The following XRN1 variants were observed in gnomAD, a reference collection of about 807,000 sequenced individuals.
XRN1 encodes the protein strand-exchange protein 1 homolog.
XRN1 carries 67 observed loss-of-function variants against 222.3 expected under a neutral mutation model. That is an observed-to-expected ratio of 0.30 (90% CI 0.25 to 0.37). The LOEUF is 0.37. XRN1 is among the 10% of genes least tolerant of loss of function. The pLI is 1.00. For synonymous variants in XRN1, 643 were observed against 652.4 expected, an observed-to-expected ratio of 0.99 and a Z score of 0.22; for missense variants, 1,707 against 2,000.2, an observed-to-expected ratio of 0.85 and a Z score of 2.80.
At chr3:142,400,622 A>G in intron 18 of XRN1, 75 bp from the exon 19 acceptor site, 1 of 1,181,358 alleles carries the variant, frequency 8.5e-7, no homozygotes, top group South Asian at 1.4e-5. Flanking sequence ...AAATTTTCCA[A>G]TCTCCATTTA....
rs1472884877 is a variant in XRN1 at position 142,311,527 on chromosome 3, G to A, written c.5069C>T (p.Ser1690Phe). ...GAGCCAAATTTACTCAGAAGGTTTA[G>A]AAACACCAAAATTAACAGCCAGTTT... ...SRKLAVNFGV[S>F]KPSE The change falls in exon 41 of 41, where the codon TCT becomes TTT. Residue 1690 changes from serine to phenylalanine, a missense_variant. Ser to Phe is a radical substitution (Grantham distance 155, BLOSUM62 -2). Coordinates refer to ENST00000392981, the MANE Select transcript of XRN1 (RefSeq NM_001282857.2). 6.2e-7 allele frequency: 1 copy of A among 1,606,866 alleles called. No homozygotes were observed. Among genetic ancestry groups the A allele is most frequent in the African/African-American group, 1.3e-5 (1 of 74,626 alleles).
At chr3:142,421,255 G>A in intron 9 of XRN1, 102 bp from the exon 10 acceptor site, 2 of 1,169,792 alleles carry the variant, frequency 1.7e-6, no homozygotes, top group Non-Finnish European at 2.3e-6. Flanking sequence ...ATAGGAAATT[G>A]GAGAATGTTA....
chr3:142,381,102 A>G (rs777177989), intron 22 of XRN1, among the ~76,000 whole-genome samples: 3 of 149,328 alleles, frequency 2.0e-5, no homozygotes, highest in South Asian at 2.1e-4. Context: ...TCTGTCTCCA[A>G]AAAAAAAAAG....
chr3:142,341,080 C>A (rs1370200223), intron 33 of XRN1, among the ~76,000 whole-genome samples: 4 of 152,018 alleles, frequency 2.6e-5, no homozygotes, highest in African/African-American at 9.7e-5. Context: ...AAAAAAATAA[C>A]TATGACAACT....
chr3:142,384,639 C>T lies in XRN1; in HGVS notation c.2386G>A (p.Val796Met). ...CGACCTGTGAGTAACTGAGCATACA[C>T]AACTGCAGATGTTTCATTTATTATT... ...GIIINETSAV[V>M]YAQLLTGRKY... Residue 796 changes from valine to methionine, a missense_variant, in exon 21 of 41, where the codon GTG (valine) becomes ATG (methionine). Coordinates refer to ENST00000392981, the MANE Select transcript of XRN1 (RefSeq NM_001282857.2). 6 of 1,606,374 alleles carry T rather than the reference C, an allele frequency of 3.7e-6. No homozygotes were observed. The highest frequency in any genetic ancestry group is 3.4e-6 in the Non-Finnish European group (4 of 1,177,038).
intron 23 of XRN1, among the ~76,000 whole-genome samples, chr3:142,379,252 C>T (rs1045925860): frequency 1.3e-5 from 2 of 152,156 alleles, no homozygotes; most frequent in Non-Finnish European, 2.9e-5. Context: ...GCCTGGATGA[C>T]AGAGCGAAAC....
At chr3:142,332,264 A>G in intron 36 of XRN1, 111 bp downstream of exon 36, 3 of 894,730 alleles carry the variant, frequency 3.4e-6, no homozygotes, top group South Asian at 2.0e-5. Context: ...TAAAATAAAT[A>G]AATACATTAA....
intron 1 of XRN1, among the ~76,000 whole-genome samples, chr3:142,439,248 T>A (rs927419108): frequency 6.6e-6 from 1 of 152,216 alleles, no homozygotes; most frequent in Non-Finnish European, 1.5e-5. Context: ...AGTGCCGCCA[T>A]AACTGCAGCC....
chr3:142,361,155 T>C (rs1376623130), intron 29 of XRN1, among the ~76,000 whole-genome samples: 2 of 152,212 alleles, frequency 1.3e-5, no homozygotes, highest in Admixed American at 6.5e-5. Context: ...TATTCCTCGT[T>C]TGTCTGGCTT....
chr3:142,397,738 G>T (rs2067982548), intron 19 of XRN1, among the ~76,000 whole-genome samples: 1 of 152,086 alleles, frequency 6.6e-6, no homozygotes, highest in African/African-American at 2.4e-5. Flanking sequence ...TTAGATAGAA[G>T]GAATAAGTTC....
intron 1 of XRN1, among the ~76,000 whole-genome samples, chr3:142,439,668 C>T (rs952719210): frequency 1.3e-5 from 2 of 151,960 alleles, no homozygotes; most frequent in African/African-American, 4.8e-5. Flanking sequence ...CAGAGCAAAA[C>T]TTAGAAACTC....
chr3:142,420,730 A>G (rs1348450059), intron 10 of XRN1, among the ~76,000 whole-genome samples: 1 of 152,080 alleles, frequency 6.6e-6, no homozygotes, highest in Non-Finnish European at 1.5e-5. Flanking sequence ...CCAGAAAATA[A>G]TTCATTTTCT....
chr3:142,339,278 G>A (rs992967760), intron 33 of XRN1, among the ~76,000 whole-genome samples: 113 of 152,190 alleles, frequency 7.4e-4, no homozygotes, highest in African/African-American at 2.5e-3. Context: ...AAGAGAACAA[G>A]AGTCTGCCTG....
chr3:142,395,404 A>C (rs1293235061), intron 20 of XRN1, among the ~76,000 whole-genome samples: 3 of 152,208 alleles, frequency 2.0e-5, no homozygotes, highest in Non-Finnish European at 4.4e-5. Context: ...AGGCACTAGA[A>C]ACTATTCTCG....
At chr3:142,350,517 G>A (rs1284967154) in intron 32 of XRN1, among the ~76,000 whole-genome samples, 1 of 152,142 alleles carries the variant, frequency 6.6e-6, no homozygotes, top group Non-Finnish European at 1.5e-5. Flanking sequence ...TCAGTGGAGG[G>A]TTTTGAGCAG....
chr3:142,330,169 G>T (rs1042303958), intron 36 of XRN1, among the ~76,000 whole-genome samples: 1 of 152,150 alleles, frequency 6.6e-6, no homozygotes, highest in Non-Finnish European at 1.5e-5. Context: ...TTTTGCAGAA[G>T]TAAGAAGAGA....
chr3:142,314,100 A>T (rs1373341159), intron 39 of XRN1, among the ~76,000 whole-genome samples: 2 of 152,230 alleles, frequency 1.3e-5, no homozygotes, highest in Non-Finnish European at 2.9e-5. Context: ...ATATTCCTCA[A>T]CTGGGACATT....
chr3:142,421,749 A>AT (rs1442767423), intron 8 of XRN1, among the ~76,000 whole-genome samples: 1 of 152,236 alleles, frequency 6.6e-6, no homozygotes, highest in Non-Finnish European at 1.5e-5. Context: ...AAAGCCAAAT[A>AT]TAAGAAATTC....
Position 142,355,595 on chromosome 3 carries a change from T to TAG in XRN1, c.3673-101_3673-100dup, listed in dbSNP as rs113604424. The TAG allele has an allele frequency of 7.5e-4, 585 of 778,524 alleles. 7 individuals carry two copies. In the African/African-American group the frequency reaches 8.7e-3, roughly 12 times the overall value. The allele number at this position is 778,524 out of a possible 1,614,324, so 48.2% of individuals were successfully genotyped here. Reference sequence around the variant, plus strand: ...TTCATCTATTAATGTTATTCAGTGGTAGACAGGATATTAAACCTTTTTTTT... The same window carrying TAG: ...TTCATCTATTAATGTTATTCAGTGGTAGAGACAGGATATTAAACCTTTTTTTT... On this transcript the variant is annotated intron_variant, in intron 31 of 40. Transcript: ENST00000392981.
Sources: allele counts gnomAD v4.1 joint callset (sites outside exome capture counted in the v4.1 genomes callset), GRCh38; gene constraint gnomAD v4.1.1; transcripts MANE v1.5; gene names NCBI Gene and HGNC (gene_info 2026-07-23, HGNC 2026-07-21).